ZNF423: variants seen among roughly 807,000 people sequenced by gnomAD.
The protein encoded by ZNF423 is Ebf-associated zinc finger protein.
Under a neutral mutation model 95.8 loss-of-function variants are expected in ZNF423, and 12 were observed. The observed-to-expected ratio is 0.13, with a 90% CI of 0.08 to 0.20. The LOEUF is 0.20. Ranked by LOEUF, ZNF423 falls within the 10% of genes least tolerant of loss-of-function variation. The pLI, the probability that ZNF423 is intolerant of heterozygous loss-of-function variation, is 1.00. For missense variants in ZNF423, 1,316 were observed against 1,737.1 expected (o/e 0.76, Z 4.31); for synonymous variants, 749 against 711.9 (o/e 1.05, Z -0.83).
At chr16:49,658,197 G>A (rs895240170) in intron 3 of ZNF423, among the ~76,000 whole-genome samples, 3 of 152,214 alleles carry the variant, frequency 2.0e-5, no homozygotes, top group Non-Finnish European at 2.9e-5. Context: ...AGTGACTGCA[G>A]CTCTTGGTCT....
intron 1 of ZNF423, among the ~76,000 whole-genome samples, chr16:49,852,048 C>T (rs944939062): frequency 2.0e-5 from 3 of 152,176 alleles, no homozygotes; most frequent in Non-Finnish European, 4.4e-5. Context: ...TCAGCTGAAT[C>T]GAGAAACCTG....
intron 3 of ZNF423, among the ~76,000 whole-genome samples, chr16:49,718,790 C>G (rs144362882): frequency 1.4e-4 from 22 of 152,278 alleles, no homozygotes; most frequent in African/African-American, 5.1e-4. Flanking sequence ...TTTGTAAGAG[C>G]ACTCATCCCA....
chr16:49,788,861 T>A (rs2034362509), intron 2 of ZNF423, among the ~76,000 whole-genome samples: 1 of 152,244 alleles, frequency 6.6e-6, no homozygotes, highest in Non-Finnish European at 1.5e-5. Flanking sequence ...AAGCCAGTTC[T>A]AATCTCAGTA....
chr16:49,737,363 AG>A (rs1350784278), intron 2 of ZNF423, among the ~76,000 whole-genome samples: 3 of 151,866 alleles, frequency 2.0e-5, no homozygotes, highest in Non-Finnish European at 4.4e-5. Context: ...TCTGTCTTCC[AG>A]GTTCAAGTGA....
chr16:49,645,961 G>C (rs1973156311), intron 3 of ZNF423, among the ~76,000 whole-genome samples: 1 of 152,190 alleles, frequency 6.6e-6, no homozygotes, highest in Non-Finnish European at 1.5e-5. Flanking sequence ...ATGCACAACT[G>C]TGAGTCAATT....
intron 7 of ZNF423, among the ~76,000 whole-genome samples, chr16:49,512,603 C>T (rs547302831): frequency 6.6e-6 from 1 of 152,332 alleles, no homozygotes; most frequent in South Asian, 2.1e-4. Flanking sequence ...TGGTTTCCTA[C>T]CCTAGTGGGG....
intron 3 of ZNF423, among the ~76,000 whole-genome samples, chr16:49,651,193 AT>A (rs59884047): frequency 4.3e-4 from 61 of 141,920 alleles, no homozygotes; most frequent in Non-Finnish European, 5.2e-4. Flanking sequence ...GCTAATTTTA[AT>A]TTTTTTTTTT....
intron 5 of ZNF423, among the ~76,000 whole-genome samples, chr16:49,616,955 T>C (rs1044350904): frequency 6.6e-6 from 1 of 152,202 alleles, no homozygotes; most frequent in African/African-American, 2.4e-5. Flanking sequence ...GCTGGGACCT[T>C]TTCATACATT....
chr16:49,620,977 G>T (rs1425714789), intron 5 of ZNF423, among the ~76,000 whole-genome samples: 2 of 152,174 alleles, frequency 1.3e-5, no homozygotes, highest in African/African-American at 2.4e-5. Context: ...AGCCGTGGGG[G>T]ACCAGCTTCC....
At chr16:49,495,281 G>A (rs945883193) in intron 7 of ZNF423, among the ~76,000 whole-genome samples, 3 of 152,168 alleles carry the variant, frequency 2.0e-5, no homozygotes, top group Non-Finnish European at 4.4e-5. Context: ...GCCTGTTTTG[G>A]GGGCCTCTGC....
intron 3 of ZNF423, among the ~76,000 whole-genome samples, chr16:49,649,664 C>G (rs879883115): frequency 3.5e-3 from 232 of 66,136 alleles, no homozygotes; most frequent in Admixed American, 9.1e-3. Context: ...CACACACACA[C>G]ACACAGGGAG....
chr16:49,771,934 G>A (rs2034042588), intron 2 of ZNF423, among the ~76,000 whole-genome samples: 1 of 152,162 alleles, frequency 6.6e-6, no homozygotes, highest in African/African-American at 2.4e-5. Context: ...GAGTCAAGAG[G>A]ATCCACATAT....
intron 3 of ZNF423, among the ~76,000 whole-genome samples, chr16:49,685,733 C>A (rs1417128674): frequency 6.6e-6 from 1 of 152,202 alleles, no homozygotes; most frequent in African/African-American, 2.4e-5. Context: ...TCCCCACCTG[C>A]CCACGCCCGT....
chr16:49,734,802 G>T (rs1328675382), intron 2 of ZNF423, among the ~76,000 whole-genome samples: 3 of 152,180 alleles, frequency 2.0e-5, no homozygotes, highest in African/African-American at 7.2e-5. Context: ...GTGCACACCT[G>T]CATCCTTTTG....
At chr16:49,530,872 A>G (rs1265889850) in intron 5 of ZNF423, among the ~76,000 whole-genome samples, 1 of 152,208 alleles carries the variant, frequency 6.6e-6, no homozygotes, top group South Asian at 2.1e-4. Context: ...GTTCACCCCC[A>G]GCAGCCCTCT....
intron 3 of ZNF423, among the ~76,000 whole-genome samples, chr16:49,648,359 C>G (rs1973254851): frequency 6.6e-6 from 1 of 152,152 alleles, no homozygotes; most frequent in African/African-American, 2.4e-5. Context: ...AACTGTTAAG[C>G]AGGCCAGGCG....
chr16:49,507,809 T>C lies in ZNF423; in HGVS notation c.3849+15815A>G, dbSNP rs543052887. Among the ~76,000 whole-genome samples the C allele has an allele frequency of 1.2e-4, 18 of 152,312 alleles. No individual in the cohort carries two copies. The South Asian group carries it at 3.7e-3, about 32-fold the overall frequency. On this transcript the variant is annotated intron_variant, in intron 7 of 7. Transcript: ENST00000563137. ...CACCAATGAGATAATAATTGCAAAC[T>C]GTGAAGTGTTTCAACGGGGTTACAA...
At chr16:49,766,709 T>G (rs995912325) in intron 2 of ZNF423, among the ~76,000 whole-genome samples, 5 of 152,200 alleles carry the variant, frequency 3.3e-5, no homozygotes, top group African/African-American at 1.2e-4. Flanking sequence ...TCTCTGCATC[T>G]CGGCAATAAA....
At chr16:49,792,285 G>A (rs941891275) in intron 1 of ZNF423, among the ~76,000 whole-genome samples, 2 of 152,164 alleles carry the variant, frequency 1.3e-5, no homozygotes, top group Non-Finnish European at 2.9e-5. Context: ...CTGAACTTGA[G>A]GATGCCCCAA....
Sources: gnomAD v4.1 joint callset for allele counts (sites outside exome capture counted in the v4.1 genomes callset) on GRCh38, gnomAD v4.1.1 for gene constraint, MANE v1.5 for transcripts, NCBI Gene and HGNC (gene_info 2026-07-23, HGNC 2026-07-21) for gene names.